Variants in DOCK11 observed in about 807,000 individuals in gnomAD.
DOCK11 encodes the protein dedicator of cytokinesis protein 11.
A neutral mutation model predicts 169.1 loss-of-function variants in DOCK11; 70 were observed. That is an observed-to-expected ratio of 0.41 (90% CI 0.34 to 0.51). DOCK11 has a LOEUF of 0.51. Ranked by LOEUF, DOCK11 falls within the 20% of genes least tolerant of loss-of-function variation. The pLI, the probability that DOCK11 is intolerant of heterozygous loss-of-function variation, is 0.10. For missense variants in DOCK11, 1,166 were observed against 1,538.8 expected, an observed-to-expected ratio of 0.76 and a Z score of 4.05; for synonymous variants, 529 against 541.3, an observed-to-expected ratio of 0.98 and a Z score of 0.32.
Position 118,599,238 on chromosome X carries a change from C to T in DOCK11, c.2562+10C>T, listed in dbSNP as rs755364291. On this transcript the variant is annotated intron_variant, in intron 23 of 52. Coordinates refer to ENST00000276202, the MANE Select transcript of DOCK11 (RefSeq NM_144658.4). ...CATTAAATATTTAAAGGTAAATGAA[C>T]AGCAGCTTTCTGCAAAACGTTTGTT... 13 of 1,157,342 alleles carry T rather than the reference C, an allele frequency of 1.1e-5. No individual in the cohort carries two copies. The highest frequency in any genetic ancestry group is 2.4e-4 in the Middle Eastern group (1 of 4,195).
intron 42 of DOCK11, among the ~76,000 whole-genome samples, chrX:118,653,079 C>G (rs191219841): frequency 9.9e-4 from 111 of 112,124 alleles, no homozygotes; most frequent in African/African-American, 3.5e-3. Context: ...AAACAAGTTA[C>G]ACCACTTATG....
intron 22 of DOCK11, 49 bp from the exon 23 acceptor site, chrX:118,599,090 T>G: frequency 7.8e-6 from 8 of 1,028,408 alleles, no homozygotes; most frequent in Non-Finnish European, 1.1e-5. Flanking sequence ...AGCTTGCATT[T>G]GAGGATAATG....
intron 28 of DOCK11, among the ~76,000 whole-genome samples, chrX:118,614,330 G>A (rs1051557737): frequency 9.0e-6 from 1 of 111,498 alleles, no homozygotes; most frequent in Non-Finnish European, 1.9e-5. Context: ...AGGTCAACTC[G>A]CTTGGGCTTT....
At chrX:118,536,375 C>G (rs1022513934) in intron 1 of DOCK11, among the ~76,000 whole-genome samples, 1 of 111,569 alleles carries the variant, frequency 9.0e-6, no homozygotes, top group Non-Finnish European at 1.9e-5. Context: ...AGTCTCTAAT[C>G]TACAGTGGTG....
chrX:118,524,073 C>T (rs2011320028), intron 1 of DOCK11, among the ~76,000 whole-genome samples: 1 of 112,093 alleles, frequency 8.9e-6, no homozygotes, highest in Non-Finnish European at 1.9e-5. Context: ...CCTGTAAGAT[C>T]TATGTCCTCC....
chrX:118,538,088 TTC>T lies in DOCK11; in HGVS notation c.103-4635_103-4634del, dbSNP rs1353501707. 2.7e-5 allele frequency among the ~76,000 whole-genome samples: 3 copies of T among 112,343 alleles called. No homozygotes were observed. In the East Asian group the frequency reaches 8.3e-4, roughly 31 times the overall value. ...CTCCTTTATGGGATGATATGAAGCT[TTC>T]TTTTTCAATAAATGTTTTCAATGAA... On this transcript the variant is annotated intron_variant, in intron 1 of 52. Transcript: ENST00000276202.
intron 6 of DOCK11, among the ~76,000 whole-genome samples, chrX:118,549,976 A>G (rs559037431): frequency 3.7e-4 from 41 of 112,010 alleles, no homozygotes; most frequent in Middle Eastern, 4.6e-3. Flanking sequence ...ACTCTTTTCC[A>G]TTATAAATTA....
chrX:118,676,532 T>G (rs2016612468), intron 47 of DOCK11, 59 bp from the exon 48 acceptor site: 1 of 700,961 alleles, frequency 1.4e-6, no homozygotes, highest in Non-Finnish European at 1.9e-6. Context: ...TAGATTTTCT[T>G]TAAATGTTGT....
intron 14 of DOCK11, among the ~76,000 whole-genome samples, chrX:118,581,541 C>T (rs373464677): frequency 2.7e-5 from 3 of 111,382 alleles, no homozygotes; most frequent in South Asian, 3.7e-4. Flanking sequence ...CAGTGGCTCA[C>T]GCCTGTAATC....
intron 10 of DOCK11, among the ~76,000 whole-genome samples, chrX:118,569,216 C>T (rs2013195128): frequency 9.4e-6 from 1 of 106,274 alleles, no homozygotes. Flanking sequence ...CCTCAGCCTC[C>T]CGAGTAGCTG....
At chrX:118,496,400 G>T (rs764031680) in intron 1 of DOCK11, among the ~76,000 whole-genome samples, 1 of 112,407 alleles carries the variant, frequency 8.9e-6, no homozygotes, top group Non-Finnish European at 1.9e-5. Context: ...AGCTGACCTC[G>T]CGCTGCTCTG....
chrX:118,533,694 T>TA (rs2147334681), intron 1 of DOCK11, among the ~76,000 whole-genome samples: 1 of 112,693 alleles, frequency 8.9e-6, no homozygotes, highest in East Asian at 2.8e-4. Context: ...TCTACATACC[T>TA]ATAGAATGCC....
intron 6 of DOCK11, among the ~76,000 whole-genome samples, chrX:118,549,439 C>T (rs184560168): frequency 1.5e-3 from 163 of 111,458 alleles, no homozygotes; most frequent in Non-Finnish European, 1.8e-3. Context: ...CCACTGTGCT[C>T]GGCCTATTTC....
At chrX:118,499,041 T>C (rs1461356440) in intron 1 of DOCK11, among the ~76,000 whole-genome samples, 1 of 112,194 alleles carries the variant, frequency 8.9e-6, no homozygotes, top group East Asian at 2.8e-4. Flanking sequence ...AAGGGATAAT[T>C]ACAGAATCAT....
intron 1 of DOCK11, among the ~76,000 whole-genome samples, chrX:118,513,057 C>T (rs1389913405): frequency 8.9e-6 from 1 of 111,934 alleles, no homozygotes; most frequent in Non-Finnish European, 1.9e-5. Flanking sequence ...TTCCAGGAAA[C>T]TCTTCTGTGG....
intron 4 of DOCK11, 69 bp from the exon 5 acceptor site, chrX:118,545,254 G>C: frequency 1.3e-6 from 1 of 749,457 alleles, no homozygotes; most frequent in Non-Finnish European, 1.9e-6. Context: ...TTATTGTTGT[G>C]TTTTTGTGTT....
intron 44 of DOCK11, among the ~76,000 whole-genome samples, chrX:118,655,705 C>T (rs1387184781): frequency 8.9e-6 from 1 of 111,772 alleles, no homozygotes. Flanking sequence ...AATAGTAACC[C>T]AGTTGAGTTA....
intron 14 of DOCK11, 86 bp downstream of exon 14, chrX:118,580,265 G>A: frequency 5.4e-6 from 4 of 743,177 alleles, no homozygotes; most frequent in Non-Finnish European, 7.7e-6. Flanking sequence ...TCAGCACTGT[G>A]TTTCTGGCAG....
intron 6 of DOCK11, among the ~76,000 whole-genome samples, chrX:118,555,350 T>C (rs2012646037): frequency 1.8e-5 from 2 of 110,071 alleles, no homozygotes; most frequent in Admixed American, 9.7e-5. Flanking sequence ...AGGTCAGGAG[T>C]TCGAGACCAG....
Sources: gnomAD v4.1 joint callset for allele counts (sites outside exome capture counted in the v4.1 genomes callset) on GRCh38, gnomAD v4.1.1 for gene constraint, MANE v1.5 for transcripts, NCBI Gene and HGNC (gene_info 2026-07-23, HGNC 2026-07-21) for gene names.